Variants in CHODL observed in about 807,000 individuals in gnomAD.
CHODL encodes chondrolectin, also known as transmembrane protein MT75.
CHODL carries 29 observed loss-of-function variants against 34.5 expected under a neutral mutation model. That is an observed-to-expected ratio of 0.84 (90% CI 0.63 to 1.15). The LOEUF is 1.15. Ranked by LOEUF, CHODL falls within the 50% of genes most tolerant of loss-of-function variation. The pLI is 0.00. For synonymous variants in CHODL, 125 were observed against 116.1 expected (o/e 1.08, Z -0.49); for missense variants, 332 against 332.5 (o/e 1.00, Z 0.01).
chr21:18,225,829 A>T (rs1479700743), intron 2 of CHODL, among the ~76,000 whole-genome samples: 1 of 152,138 alleles, frequency 6.6e-6, no homozygotes, highest in Non-Finnish European at 1.5e-5. Context: ...TATCTTTATG[A>T]TTCCCAGTTA....
intron 2 of CHODL, among the ~76,000 whole-genome samples, chr21:18,184,622 C>T (rs2073418833): frequency 6.6e-6 from 1 of 152,158 alleles, no homozygotes; most frequent in East Asian, 1.9e-4. Flanking sequence ...TCTAAGTCAT[C>T]AGGGCTGGAC....
intron 2 of CHODL, among the ~76,000 whole-genome samples, chr21:18,238,976 A>G (rs937496357): frequency 3.3e-5 from 5 of 152,164 alleles, no homozygotes; most frequent in Non-Finnish European, 7.4e-5. Flanking sequence ...TTAACACTCT[A>G]GAAAATTAAG....
chr21:18,066,203 T>C (rs2064729565), intron 2 of CHODL, among the ~76,000 whole-genome samples: 2 of 152,194 alleles, frequency 1.3e-5, no homozygotes, highest in South Asian at 4.1e-4. Context: ...AGCTAGGAAA[T>C]TATGTACCTG....
chr21:18,078,988 T>C (rs158015), intron 2 of CHODL, among the ~76,000 whole-genome samples: 61,834 of 152,010 alleles, frequency 0.41, 13,771 homozygotes, highest in Non-Finnish European at 0.51. Context: ...ATTTGTTTAT[T>C]TGCATATATT....
chr21:17,974,969 A>T (rs932841614), intron 1 of CHODL, among the ~76,000 whole-genome samples: 1 of 149,166 alleles, frequency 6.7e-6, no homozygotes, highest in Non-Finnish European at 1.5e-5. Flanking sequence ...TATTATAGAC[A>T]TATATAAAAT....
chr21:18,245,238 C>T lies in CHODL; in HGVS notation c.15C>T (p.Val5=), dbSNP rs750825804. Residue 5 remains valine (V), a synonymous_variant, in exon 1 of 6, where the codon GTC becomes GTT. Coordinates refer to ENST00000299295, the MANE Select transcript of CHODL (RefSeq NM_024944.3). ...ACCGCGCCGCGATGAGCCGCGTGGTCTCGCTGCTGCTGGGCGCCGCGCTGC... is the reference window on the plus strand; with the variant it reads ...ACCGCGCCGCGATGAGCCGCGTGGTTTCGCTGCTGCTGGGCGCCGCGCTGC... MSRV[V]SLLLGAALLC... 5.9e-6 allele frequency: 9 copies of T among 1,518,452 alleles called. No homozygotes were observed. The highest frequency in any genetic ancestry group is 4.8e-5 in the South Asian group (4 of 82,992). 94.1% of individuals were successfully genotyped at this position (1,518,452 alleles called of 1,614,324 possible).
intron 2 of CHODL, among the ~76,000 whole-genome samples, chr21:18,113,829 A>T (rs2065380270): frequency 6.6e-6 from 1 of 152,216 alleles, no homozygotes; most frequent in Non-Finnish European, 1.5e-5. Context: ...TATTGAAGAG[A>T]TATCTGTACT....
intron 2 of CHODL, among the ~76,000 whole-genome samples, chr21:18,205,724 A>G (rs1002912963): frequency 2.1e-5 from 3 of 141,914 alleles, no homozygotes; most frequent in African/African-American, 7.6e-5. Flanking sequence ...CCTACTAATC[A>G]TTAAGGAGTA....
intron 1 of CHODL, among the ~76,000 whole-genome samples, chr21:17,934,240 A>T (rs2063301494): frequency 6.6e-6 from 1 of 151,864 alleles, no homozygotes; most frequent in Non-Finnish European, 1.5e-5. Context: ...AAAATAAAAA[A>T]AAAAAACACA....
intron 2 of CHODL, among the ~76,000 whole-genome samples, chr21:18,075,570 A>G (rs1285011932): frequency 3.3e-5 from 5 of 152,142 alleles, no homozygotes; most frequent in African/African-American, 1.2e-4. Context: ...TAGGATTATT[A>G]TTTGTATCTC....
intron 1 of CHODL, among the ~76,000 whole-genome samples, chr21:17,941,625 T>C (rs2063364606): frequency 6.6e-6 from 1 of 152,156 alleles, no homozygotes; most frequent in African/African-American, 2.4e-5. Flanking sequence ...ATCAAATGAA[T>C]GGATAAAATA....
rs552042772 is a variant in CHODL at position 18,006,334 on chromosome 21, A to G, written c.-144-21538A>G. On this transcript the variant is annotated intron_variant, in intron 1 of 6. Coordinates refer to the CHODL transcript ENST00000400127. ...ACGTACCTATGTAAGAAACCTGCAC[A>G]TGCCTGGAACTTAAAATAAAAGAAA... 2.6e-5 allele frequency among the ~76,000 whole-genome samples: 4 copies of G among 151,928 alleles called. No homozygotes were observed. In the East Asian group the frequency reaches 5.8e-4, roughly 22 times the overall value.
At chr21:18,206,897 T>TTA (rs1568937120) in intron 2 of CHODL, among the ~76,000 whole-genome samples, 73 of 149,020 alleles carry the variant, frequency 4.9e-4, no homozygotes, top group African/African-American at 1.8e-3. Flanking sequence ...TATTATTATT[T>TTA]TATTATACTT....
chr21:18,192,346 A>T (rs1399002646), intron 2 of CHODL, among the ~76,000 whole-genome samples: 1 of 152,186 alleles, frequency 6.6e-6, no homozygotes, highest in Non-Finnish European at 1.5e-5. Flanking sequence ...TGCATGAGCA[A>T]GAGTTTTCTT....
At chr21:18,018,932 T>C (rs1377413976) in intron 1 of CHODL, among the ~76,000 whole-genome samples, 1 of 152,238 alleles carries the variant, frequency 6.6e-6, no homozygotes. Context: ...TGATCTATTA[T>C]TGCAACCTTC....
chr21:18,026,760 A>G (rs190464730), intron 1 of CHODL, among the ~76,000 whole-genome samples: 15 of 152,314 alleles, frequency 9.8e-5, no homozygotes, highest in Admixed American at 5.2e-4. Context: ...TGATTATCCT[A>G]AGTCGTTTCT....
intron 2 of CHODL, among the ~76,000 whole-genome samples, chr21:18,030,317 C>A (rs972697754): frequency 5.5e-4 from 83 of 152,288 alleles, no homozygotes; most frequent in Non-Finnish European, 1.8e-4. Context: ...CATGTCTGGA[C>A]AACGAGCAGC....
chr21:18,150,961 G>A (rs2072957850), intron 2 of CHODL, among the ~76,000 whole-genome samples: 1 of 151,704 alleles, frequency 6.6e-6, no homozygotes, highest in South Asian at 2.1e-4. Context: ...GCAGGCACCT[G>A]TAATCCTAGC....
At position 18,266,307 on chromosome 21, in the gene CHODL, T is replaced by C. The variant is rs1173065896; in HGVS notation, c.*269T>C. On this transcript the variant is annotated 3_prime_UTR_variant, in exon 6 of 6. Coordinates refer to ENST00000299295, the MANE Select transcript of CHODL (RefSeq NM_024944.3). Reference sequence around the variant, plus strand: ...AAGCAAATGAAATGGACAATGCAGATAAAGTTGTTATCAACACGTCGGGAG... The same window carrying C: ...AAGCAAATGAAATGGACAATGCAGACAAAGTTGTTATCAACACGTCGGGAG... The C allele has an allele frequency of 9.7e-6, 10 of 1,026,816 alleles. No homozygotes were observed. Among genetic ancestry groups the C allele is most frequent in the South Asian group, 3.5e-5 (2 of 56,664 alleles). The allele number at this position is 1,026,816 out of a possible 1,614,324, so 63.6% of individuals were successfully genotyped here.
Sources: allele counts gnomAD v4.1 joint callset (sites outside exome capture counted in the v4.1 genomes callset), GRCh38; gene constraint gnomAD v4.1.1; transcripts MANE v1.5; gene names NCBI Gene and HGNC (gene_info 2026-07-23, HGNC 2026-07-21).